The following TMEM181 variants were observed in gnomAD, a reference collection of about 807,000 sequenced individuals.
TMEM181 encodes the protein transmembrane protein 181, also known as G protein-coupled receptor 178.
A neutral mutation model predicts 71.9 loss-of-function variants in TMEM181; 39 were observed. The observed-to-expected ratio is 0.54, with a 90% CI of 0.42 to 0.71. TMEM181 has a LOEUF of 0.71. Ranked by LOEUF, TMEM181 falls within the 30% of genes least tolerant of loss-of-function variation. TMEM181 has a pLI of 0.00. For synonymous variants in TMEM181, 245 were observed against 228.8 expected (o/e 1.07, Z -0.64); for missense variants, 595 against 583.0 (o/e 1.02, Z -0.21).
chr6:158,577,664 A>G (rs906028763), intron 2 of TMEM181, among the ~76,000 whole-genome samples: 4 of 152,206 alleles, frequency 2.6e-5, no homozygotes, highest in Admixed American at 1.3e-4. Context: ...GTAGAAAGCC[A>G]AAGACAGAAT....
In TMEM181 at chr6:158,585,659, C is replaced by T. The variant is rs146629665; in HGVS notation, c.381+234C>T. ...ATGCATTCACACATCCGTAAACACA[C>T]GTGTACGCACATATGCATGCACACA... On this transcript the variant is annotated intron_variant, in intron 5 of 16. Coordinates refer to ENST00000684151, the MANE Select transcript of TMEM181 (RefSeq NM_001376852.1). 1.4e-4 allele frequency among the ~76,000 whole-genome samples: 21 copies of T among 152,340 alleles called. No homozygotes were observed. The East Asian group carries it at 1.7e-3, about 13-fold the overall frequency.
chr6:158,592,938 A>G (rs904706326), intron 6 of TMEM181, among the ~76,000 whole-genome samples: 1 of 152,164 alleles, frequency 6.6e-6, no homozygotes, highest in Non-Finnish European at 1.5e-5. Context: ...GCAAATATTA[A>G]AAACAACAAA....
intron 1 of TMEM181, among the ~76,000 whole-genome samples, chr6:158,571,260 C>G (rs750383144): frequency 6.6e-6 from 1 of 151,990 alleles, no homozygotes; most frequent in Non-Finnish European, 1.5e-5. Flanking sequence ...CCGCGCCCGG[C>G]TAATTTTTTG....
Position 158,629,747 on chromosome 6 carries a change from T to A in TMEM181, c.1210T>A (p.Phe404Ile). ...AGCACCACCAGCCGAGTTCTTATCT[T>A]TCTATGGCCTGTTGAACTTCTATCT... ...HYQNSAEFLS[F>I]YGLLNFYLYT... The change falls in exon 15 of 17, where the codon TTC (phenylalanine) becomes ATC (isoleucine). Residue 404 changes from phenylalanine (F) to isoleucine (I), a missense_variant. Transcript: ENST00000684151. 1 of 1,612,074 alleles carries A rather than the reference T, an allele frequency of 6.2e-7. No individual in the cohort carries two copies. The highest frequency in any genetic ancestry group is 8.5e-7 in the Non-Finnish European group (1 of 1,179,128).
At chr6:158,539,261 CACAAAGTCTGTTTTAT>C (rs1562609397) in intron 1 of TMEM181, among the ~76,000 whole-genome samples, 2 of 152,180 alleles carry the variant, frequency 1.3e-5, no homozygotes, top group Non-Finnish European at 2.9e-5. Flanking sequence ...TAGGCTGAAT[CACAAAGTCTGTTTTAT>C]AGTGAGAAGA....
intron 6 of TMEM181, among the ~76,000 whole-genome samples, chr6:158,602,757 A>G (rs9347243): frequency 1.2e-4 from 18 of 151,236 alleles, no homozygotes; most frequent in Admixed American, 1.1e-3. Context: ...TTTATTTTTT[A>G]TTTTTGTAGA....
chr6:158,587,632 C>CTT (rs566949570), intron 5 of TMEM181, among the ~76,000 whole-genome samples: 7 of 141,682 alleles, frequency 4.9e-5, no homozygotes, highest in East Asian at 2.0e-4. Flanking sequence ...GCCTGGCTTC[C>CTT]TTTTTTTTTT....
At chr6:158,591,715 A>G (rs920766739) in intron 6 of TMEM181, among the ~76,000 whole-genome samples, 1 of 151,980 alleles carries the variant, frequency 6.6e-6, no homozygotes, top group African/African-American at 2.4e-5. Flanking sequence ...CCCTTTCATC[A>G]TCTTCTTTAT....
chr6:158,620,840 A>G lies in TMEM181; in HGVS notation c.897-2710A>G, dbSNP rs113883845. 6.0e-3 allele frequency among the ~76,000 whole-genome samples: 911 copies of G among 152,228 alleles called. 13 individuals are homozygous for G. Among genetic ancestry groups the G allele is most frequent in the Non-Finnish European group, 8.8e-3 (598 of 68,000 alleles). ...GGTTTCAGCACCAAATGTAAGTGTTAAAGAGGAAAGAAACACGAAAAGCAG... is the reference window on the plus strand; with the variant it reads ...GGTTTCAGCACCAAATGTAAGTGTTGAAGAGGAAAGAAACACGAAAAGCAG... On this transcript the variant is annotated intron_variant, in intron 10 of 16. Transcript: ENST00000684151. The surrounding 1 kb of genome is among the most constrained non-coding windows in gnomAD (Gnocchi z 4.5).
intron 10 of TMEM181, among the ~76,000 whole-genome samples, chr6:158,612,822 T>C (rs1386959484): frequency 6.6e-6 from 1 of 152,246 alleles, no homozygotes; most frequent in Non-Finnish European, 1.5e-5. Context: ...GTCTGTCTGA[T>C]ATCCTACCCT....
chr6:158,625,650 A>G (rs1442245370), intron 12 of TMEM181, 53 bp from the exon 13 acceptor site: 1 of 1,477,494 alleles, frequency 6.8e-7, no homozygotes, highest in African/African-American at 1.4e-5. Context: ...TTCAAAATAA[A>G]ATGCAAGTGG....
chr6:158,615,107 G>T (rs903149547), intron 10 of TMEM181, among the ~76,000 whole-genome samples: 16 of 152,310 alleles, frequency 1.1e-4, no homozygotes, highest in African/African-American at 3.8e-4. Flanking sequence ...CCCACCAACA[G>T]TGTAAAAGTG....
chr6:158,564,266 C>T (rs1582947742), intron 1 of TMEM181, among the ~76,000 whole-genome samples: 1 of 152,216 alleles, frequency 6.6e-6, no homozygotes, highest in Non-Finnish European at 1.5e-5. Context: ...GGCCTTCTTT[C>T]TGCCCCGACC....
chr6:158,592,060 C>T (rs1426326813), intron 6 of TMEM181, among the ~76,000 whole-genome samples: 3 of 152,190 alleles, frequency 2.0e-5, no homozygotes, highest in African/African-American at 7.2e-5. Flanking sequence ...TTTCTGGTGG[C>T]ACTCTTCAGC....
chr6:158,558,549 G>C (rs1320385180), upstream of TMEM181, among the ~76,000 whole-genome samples: 2 of 152,166 alleles, frequency 1.3e-5, no homozygotes, highest in Non-Finnish European at 2.9e-5. Context: ...ACTGGTTACA[G>C]GTTTATGTTC....
intron 10 of TMEM181, among the ~76,000 whole-genome samples, chr6:158,611,865 G>A (rs1270751668): frequency 2.0e-5 from 3 of 152,224 alleles, no homozygotes; most frequent in Non-Finnish European, 2.9e-5. Flanking sequence ...AGGGTTCAGG[G>A]CAGAAGAGGT....
intron 1 of TMEM181, among the ~76,000 whole-genome samples, chr6:158,548,276 T>C (rs995539919): frequency 6.6e-6 from 1 of 152,196 alleles, no homozygotes; most frequent in Admixed American, 6.5e-5. Context: ...TCCTCTCTCC[T>C]TCCTTCCCTG....
chr6:158,579,111 T>C (rs1229529660), intron 2 of TMEM181, among the ~76,000 whole-genome samples: 1 of 151,852 alleles, frequency 6.6e-6, no homozygotes, highest in Non-Finnish European at 1.5e-5. Flanking sequence ...ATACAAAAAT[T>C]AGCGAGGTGT....
At chr6:158,604,288 C>T (rs971148883) in intron 6 of TMEM181, among the ~76,000 whole-genome samples, 1 of 152,200 alleles carries the variant, frequency 6.6e-6, no homozygotes, top group East Asian at 1.9e-4. Flanking sequence ...CCCTTCATTG[C>T]TTCCTCAGGT....
Sources: allele counts gnomAD v4.1 joint callset (sites outside exome capture counted in the v4.1 genomes callset), GRCh38; gene constraint gnomAD v4.1.1; non-coding constraint Gnocchi (gnomAD v3.1); transcripts MANE v1.5; gene names NCBI Gene and HGNC (gene_info 2026-07-23, HGNC 2026-07-21).